TMEM132D: variants seen among roughly 807,000 people sequenced by gnomAD.
TMEM132D encodes mature OL transmembrane protein.
A neutral mutation model predicts 62.3 loss-of-function variants in TMEM132D; 21 were observed. That is an observed-to-expected ratio of 0.34 (90% CI 0.24 to 0.49). TMEM132D has a LOEUF of 0.49. TMEM132D is among the 20% of genes least tolerant of loss of function. TMEM132D has a pLI of 0.99. For synonymous variants in TMEM132D, 621 were observed against 575.6 expected, an observed-to-expected ratio of 1.08 and a Z score of -1.13; for missense variants, 1,346 against 1,402.8, an observed-to-expected ratio of 0.96 and a Z score of 0.65.
intron 5 of TMEM132D, among the ~76,000 whole-genome samples, chr12:129,191,456 C>T (rs1878399461): frequency 6.9e-6 from 1 of 145,778 alleles, no homozygotes; most frequent in South Asian, 2.1e-4. Flanking sequence ...ATGGAGGAAA[C>T]TATATATATG....
chr12:129,708,506 C>T (rs1881556958), intron 1 of TMEM132D, among the ~76,000 whole-genome samples: 1 of 151,506 alleles, frequency 6.6e-6, no homozygotes, highest in Non-Finnish European at 1.5e-5. Flanking sequence ...ATCGGTCTCC[C>T]TGACCCCTGC....
At chr12:129,798,912 G>T (rs1235043874) in intron 1 of TMEM132D, among the ~76,000 whole-genome samples, 1 of 152,184 alleles carries the variant, frequency 6.6e-6, no homozygotes, top group Admixed American at 6.5e-5. Context: ...GTATGCACAA[G>T]ATTTCAAACA....
intron 2 of TMEM132D, among the ~76,000 whole-genome samples, chr12:129,666,553 T>A (rs548055884): frequency 4.7e-4 from 72 of 152,298 alleles, no homozygotes; most frequent in African/African-American, 1.7e-3. Context: ...TGCTTTAAGG[T>A]CAAACTATTT....
At chr12:129,291,396 C>T (rs1349807993) in intron 4 of TMEM132D, among the ~76,000 whole-genome samples, 3 of 152,150 alleles carry the variant, frequency 2.0e-5, no homozygotes, top group African/African-American at 7.2e-5. Context: ...ATAATCTTTC[C>T]ATTTGGATCC....
intron 4 of TMEM132D, among the ~76,000 whole-genome samples, chr12:129,263,492 C>A (rs780154551): frequency 5.1e-4 from 78 of 152,284 alleles, no homozygotes; most frequent in Admixed American, 2.7e-3. Context: ...TAAACCCAGG[C>A]AATCCAGCTC....
intron 5 of TMEM132D, among the ~76,000 whole-genome samples, chr12:129,142,979 T>C (rs1876786551): frequency 6.6e-6 from 1 of 152,098 alleles, no homozygotes; most frequent in South Asian, 2.1e-4. Context: ...TTTCCTCTGC[T>C]CTAATCAAAA....
intron 2 of TMEM132D, among the ~76,000 whole-genome samples, chr12:129,643,838 C>G (rs1483812751): frequency 2.1e-5 from 3 of 145,258 alleles, no homozygotes; most frequent in Admixed American, 7.3e-5. Flanking sequence ...CGAACAGAAC[C>G]AATGTACCAT....
intron 1 of TMEM132D, among the ~76,000 whole-genome samples, chr12:129,815,973 AC>A (rs1872331333): frequency 6.9e-6 from 1 of 144,300 alleles, no homozygotes; most frequent in African/African-American, 2.9e-5. Context: ...CAGATGACTG[AC>A]GGCCTGTGGT....
intron 5 of TMEM132D, among the ~76,000 whole-genome samples, chr12:129,143,479 G>T (rs575400354): frequency 6.6e-6 from 1 of 152,016 alleles, no homozygotes; most frequent in African/African-American, 2.4e-5. Context: ...CAGCATATGC[G>T]GCAGGACTGT....
chr12:129,107,243 T>C (rs1336760132), intron 5 of TMEM132D, among the ~76,000 whole-genome samples: 2 of 152,224 alleles, frequency 1.3e-5, no homozygotes, highest in African/African-American at 2.4e-5. Context: ...TCCTATCAGA[T>C]ATGATATCTC....
chr12:129,711,891 G>A (rs1868383048), intron 1 of TMEM132D, among the ~76,000 whole-genome samples: 1 of 151,134 alleles, frequency 6.6e-6, no homozygotes, highest in South Asian at 2.1e-4. Context: ...GGTAAAAGTT[G>A]ATAGTGTCCT....
intron 3 of TMEM132D, among the ~76,000 whole-genome samples, chr12:129,374,576 A>G (rs77231659): frequency 0.037 from 5,572 of 152,110 alleles, 138 homozygotes; most frequent in South Asian, 0.11. Context: ...TGGAGGAAAG[A>G]ACCACGGCAT....
chr12:129,782,918 G>C (rs1871160521), intron 1 of TMEM132D, among the ~76,000 whole-genome samples: 1 of 152,198 alleles, frequency 6.6e-6, no homozygotes, highest in African/African-American at 2.4e-5. Flanking sequence ...GAGGAGACAG[G>C]CTCTCTGTGA....
rs558329794 is a variant in TMEM132D at position 129,145,939 on chromosome 12, G to A, written c.1444-61237C>T. Among the ~76,000 whole-genome samples, 64 of 152,100 alleles carry A rather than the reference G, an allele frequency of 4.2e-4. 1 individual carries two copies. In the South Asian group the frequency reaches 6.4e-3, roughly 15 times the overall value. ...GAAACTAAAAACCATGGCTTCAAGCGACTAAAAGCCTAAAACAAAACAAAA... is the reference window on the plus strand; with the variant it reads ...GAAACTAAAAACCATGGCTTCAAGCAACTAAAAGCCTAAAACAAAACAAAA... On this transcript the variant is annotated intron_variant, in intron 5 of 8. Coordinates refer to ENST00000422113, the MANE Select transcript of TMEM132D (RefSeq NM_133448.3).
chr12:129,473,918 C>T (rs1416491049), intron 3 of TMEM132D, among the ~76,000 whole-genome samples: 1 of 152,182 alleles, frequency 6.6e-6, no homozygotes, highest in Admixed American at 6.5e-5. Flanking sequence ...TCATTAAATA[C>T]ACATTTTTGG....
In TMEM132D at chr12:129,326,587, G is replaced by A. The variant is rs138670790; in HGVS notation, c.1299+11047C>T. On this transcript the variant is annotated intron_variant, in intron 4 of 8. Transcript: ENST00000422113. Reference sequence around the variant, plus strand: ...GCTTACATGTTTACGGCTGCCTTCCGGCCCCACATGCAGGGTGGAATCGTT... The same window carrying A: ...GCTTACATGTTTACGGCTGCCTTCCAGCCCCACATGCAGGGTGGAATCGTT... 5.3e-5 allele frequency among the ~76,000 whole-genome samples: 8 copies of A among 152,256 alleles called. No individual in the cohort carries two copies. The South Asian group carries it at 6.2e-4, about 12-fold the overall frequency.
intron 2 of TMEM132D, among the ~76,000 whole-genome samples, chr12:129,594,289 A>T (rs561101481): frequency 6.6e-6 from 1 of 152,294 alleles, no homozygotes; most frequent in African/African-American, 2.4e-5. Context: ...TGATTTGTAC[A>T]TTTCAGGTGA....
At chr12:129,572,174 C>T (rs140338599) in intron 2 of TMEM132D, among the ~76,000 whole-genome samples, 147 of 152,358 alleles carry the variant, frequency 9.6e-4, no homozygotes, top group African/African-American at 3.3e-3. Context: ...ACACAGGGCA[C>T]AGTCACATTT....
chr12:129,231,892 A>C (rs187373055), intron 4 of TMEM132D, among the ~76,000 whole-genome samples: 213 of 152,308 alleles, frequency 1.4e-3, no homozygotes, highest in Non-Finnish European at 2.4e-3. Context: ...AAGTCTACAG[A>C]ATATAATCCT....
Sources: allele counts gnomAD v4.1 joint callset (sites outside exome capture counted in the v4.1 genomes callset), GRCh38; gene constraint gnomAD v4.1.1; transcripts MANE v1.5; gene names NCBI Gene and HGNC (gene_info 2026-07-23, HGNC 2026-07-21).